Variants in CCDC83 observed in about 807,000 individuals in gnomAD.
CCDC83 encodes coiled-coil domain-containing protein 83.
In CCDC83, 54 loss-of-function variants were observed where a neutral mutation model predicts 50.1. The ratio of observed to expected loss-of-function variants is 1.08; its 90% CI spans 0.87 to 1.35. The LOEUF is 1.35. Among genes scored for constraint, CCDC83 ranks in the 40% most tolerant of loss-of-function variants. The pLI is 0.00. For missense variants in CCDC83, 518 were observed against 473.9 expected, an observed-to-expected ratio of 1.09 and a Z score of -0.86; for synonymous variants, 161 against 153.3, an observed-to-expected ratio of 1.05 and a Z score of -0.37.
At chr11:85,870,187 T>C (rs2093229140) in intron 2 of CCDC83, among the ~76,000 whole-genome samples, 2 of 152,324 alleles carry the variant, frequency 1.3e-5, no homozygotes, top group South Asian at 4.1e-4. Context: ...TTGCTTAGTA[T>C]AAATATGACC....
intron 7 of CCDC83, among the ~76,000 whole-genome samples, chr11:85,901,807 T>C (rs2093403671): frequency 2.0e-5 from 3 of 151,738 alleles, no homozygotes; most frequent in South Asian, 2.1e-4. Flanking sequence ...GGTGGGAGGA[T>C]TGCTAGAGCC....
At chr11:85,860,529 T>C (rs571828267) in intron 1 of CCDC83, among the ~76,000 whole-genome samples, 1 of 152,284 alleles carries the variant, frequency 6.6e-6, no homozygotes, top group Admixed American at 6.5e-5. Context: ...AAGGGAACAC[T>C]TATACACTGC....
intron 5 of CCDC83, among the ~76,000 whole-genome samples, chr11:85,886,834 G>C (rs1030280492): frequency 2.0e-5 from 3 of 152,158 alleles, no homozygotes; most frequent in African/African-American, 7.2e-5. Context: ...GATCAGTTGA[G>C]CCCCGTGGTC....
chr11:85,893,831 A>G (rs2093360719), intron 5 of CCDC83, among the ~76,000 whole-genome samples: 1 of 152,098 alleles, frequency 6.6e-6, no homozygotes, highest in Admixed American at 6.6e-5. Context: ...ACCATCTATA[A>G]CCAAGAAAAC....
In CCDC83 at chr11:85,919,370, C is replaced by G. The variant is rs2093497872; in HGVS notation, c.1102C>G (p.Leu368Val). ...ATAGGATTATGTAAACTTGGGCCCCCTGGGAGTGAAGCTTATGAGTGTGGA... is the reference window on the plus strand; with the variant it reads ...ATAGGATTATGTAAACTTGGGCCCCGTGGGAGTGAAGCTTATGAGTGTGGA... ...DFKDYVNLGP[L>V]GVKLMSVESK... is the part of the protein sequence containing the mutation. Residue 368 changes from leucine to valine, a missense_variant, in exon 11 of 11, where the codon CTG becomes GTG. Coordinates refer to ENST00000342404, the MANE Select transcript of CCDC83 (RefSeq NM_001286159.2). 2 of 1,607,660 alleles carry G rather than the reference C, an allele frequency of 1.2e-6. No homozygotes were observed. The highest frequency in any genetic ancestry group is 1.1e-5 in the South Asian group (1 of 89,802).
chr11:85,905,095 GA>G (rs1467286808), intron 7 of CCDC83, among the ~76,000 whole-genome samples: 1 of 151,624 alleles, frequency 6.6e-6, no homozygotes, highest in Non-Finnish European at 1.5e-5. Flanking sequence ...TCAAGAATTC[GA>G]GACCAGCCTG....
intron 1 of CCDC83, among the ~76,000 whole-genome samples, chr11:85,856,317 T>C (rs2093140735): frequency 6.6e-6 from 1 of 152,208 alleles, no homozygotes; most frequent in Non-Finnish European, 1.5e-5. Flanking sequence ...AGATCCTCTT[T>C]AGACTCACTA....
chr11:85,883,906 C>G (rs551908517), intron 4 of CCDC83, among the ~76,000 whole-genome samples: 3 of 152,144 alleles, frequency 2.0e-5, no homozygotes, highest in Admixed American at 1.3e-4. Flanking sequence ...TCCCATAGAC[C>G]TCCTCCTACC....
intron 8 of CCDC83, among the ~76,000 whole-genome samples, chr11:85,913,342 T>C (rs577078987): frequency 5.3e-5 from 8 of 152,346 alleles, no homozygotes; most frequent in African/African-American, 1.9e-4. Context: ...TTGAGGCAAC[T>C]GTTTTGGACA....
chr11:85,897,069 T>C (rs17817444), intron 6 of CCDC83, among the ~76,000 whole-genome samples: 45,819 of 152,146 alleles, frequency 0.3, 7,364 homozygotes, highest in African/African-American at 0.36. Context: ...TGTAAGTGAA[T>C]CTGACTCACT....
Position 85,919,406 on chromosome 11 carries a change from A to G in CCDC83, c.1138A>G (p.Met380Val), listed in dbSNP as rs1220560900. 6.2e-7 allele frequency: 1 copy of G among 1,613,646 alleles called. No homozygotes were observed. Among genetic ancestry groups the G allele is most frequent in the Admixed American group, 1.7e-5 (1 of 59,958 alleles). ...VKLMSVESKK[M>V]PIHFQEKEIP... ...GCTTATGAGTGTGGAGAGCAAGAAA[A>G]TGCCCATTCATTTTCAAGAGAAGGA... Residue 380 changes from methionine (M) to valine (V), a missense_variant, in exon 11 of 11, where the codon ATG (methionine) becomes GTG (valine). Met to Val is a conservative substitution (Grantham distance 21, BLOSUM62 1). Transcript: ENST00000342404.
chr11:85,910,765 C>T (rs1019621388), intron 7 of CCDC83, among the ~76,000 whole-genome samples: 1 of 152,166 alleles, frequency 6.6e-6, no homozygotes, highest in Non-Finnish European at 1.5e-5. Context: ...AAATGATTTC[C>T]ACCTATTCCT....
Position 85,886,229 on chromosome 11 carries a change from A to T in CCDC83, c.373A>T (p.Lys125Ter). The T allele has an allele frequency of 6.3e-7, 1 of 1,596,760 alleles. No homozygotes were observed. Among genetic ancestry groups the T allele is most frequent in the South Asian group, 1.1e-5 (1 of 87,184 alleles). Residue 125 changes from lysine (K) to a stop codon, truncating the protein, a stop_gained, in exon 5 of 11, where the codon AAA becomes TAA. Coordinates refer to ENST00000342404, the MANE Select transcript of CCDC83 (RefSeq NM_001286159.2). LOFTEE classifies it high-confidence loss of function. ...DMRMQISNAE[K>*]LFLEKLSEKE... ...GCGCATGCAAATAAGTAATGCTGAG[A>T]AACTATTTCTTGAGAAACTCAGTGA...
chr11:85,870,285 G>C (rs770077948), intron 2 of CCDC83, among the ~76,000 whole-genome samples: 2 of 152,288 alleles, frequency 1.3e-5, no homozygotes, highest in Middle Eastern at 6.8e-3. Context: ...GCTGCAGCCA[G>C]GGAATTGGTC....
intron 3 of CCDC83, among the ~76,000 whole-genome samples, chr11:85,879,326 A>G (rs1156942200): frequency 6.6e-6 from 1 of 152,120 alleles, no homozygotes; most frequent in African/African-American, 2.4e-5. Context: ...GGCTTAGATC[A>G]AGATTCTTCT....
intron 3 of CCDC83, among the ~76,000 whole-genome samples, chr11:85,881,246 G>A (rs530186862): frequency 8.6e-4 from 131 of 152,002 alleles, no homozygotes; most frequent in Non-Finnish European, 1.4e-3. Flanking sequence ...GGTGGTGGGC[G>A]TCTATAATCC....
Position 85,911,359 on chromosome 11 carries a change from G to A in CCDC83, c.751G>A (p.Asp251Asn), listed in dbSNP as rs143833799. The A allele has an allele frequency of 3.1e-6, 5 of 1,611,482 alleles. No homozygotes were observed. The African/African-American group carries it at 4.0e-5, about 13-fold the overall frequency. ...ELEAENLVLI[D>N]QLSNCRLVDL... The stretch of plus-strand genomic sequence containing the variant: ...GGAAGCAGAAAATTTGGTGCTTATT[G>A]ATCAACTATCCAACTGTAGACTTGT... Residue 251 changes from aspartate to asparagine, a missense_variant, in exon 8 of 11, where the codon GAT (aspartate) becomes AAT (asparagine). Asp to Asn is a conservative substitution (Grantham distance 23, BLOSUM62 1). Coordinates refer to ENST00000342404, the MANE Select transcript of CCDC83 (RefSeq NM_001286159.2).
intron 3 of CCDC83, among the ~76,000 whole-genome samples, chr11:85,881,698 C>G (rs1349054900): frequency 6.6e-6 from 1 of 152,192 alleles, no homozygotes; most frequent in African/African-American, 2.4e-5. Context: ...GAATTACAGG[C>G]ATGAGCCACC....
At chr11:85,870,686 T>C (rs1161111174) in intron 2 of CCDC83, among the ~76,000 whole-genome samples, 1 of 151,890 alleles carries the variant, frequency 6.6e-6, no homozygotes, top group Non-Finnish European at 1.5e-5. Flanking sequence ...TCTTATTATT[T>C]TGTGGAGGCT....
Sources: allele counts gnomAD v4.1 joint callset (sites outside exome capture counted in the v4.1 genomes callset), GRCh38; gene constraint gnomAD v4.1.1; transcripts MANE v1.5; gene names NCBI Gene and HGNC (gene_info 2026-07-23, HGNC 2026-07-21).